Variants in MYRIP observed in about 807,000 individuals in gnomAD.
The protein encoded by MYRIP is rab effector MyRIP.
Under a neutral mutation model 98.0 loss-of-function variants are expected in MYRIP, and 49 were observed. The observed-to-expected ratio is 0.50, with a 90% CI of 0.40 to 0.63. The LOEUF (loss-of-function observed/expected upper bound fraction) is 0.63. MYRIP is among the 30% of genes least tolerant of loss of function. The probability of loss-of-function intolerance (pLI) is 0.00; values close to 1 mark genes in which losing one functional copy is unlikely to be tolerated. For missense variants in MYRIP, 1,004 were observed against 1,058.2 expected (o/e 0.95, Z 0.71); for synonymous variants, 404 against 409.5 (o/e 0.99, Z 0.16).
At chr3:40,012,650 G>A (rs535197024) in intron 2 of MYRIP, among the ~76,000 whole-genome samples, 8 of 152,222 alleles carry the variant, frequency 5.3e-5, no homozygotes, top group African/African-American at 1.9e-4. Context: ...ATCCACTGAG[G>A]GCCTGGATAG....
At chr3:40,220,325 A>G (rs1408206829) in intron 11 of MYRIP, among the ~76,000 whole-genome samples, 1 of 152,076 alleles carries the variant, frequency 6.6e-6, no homozygotes, top group East Asian at 1.9e-4. Flanking sequence ...GCTGTGCAGA[A>G]GCTGTTTAGT....
chr3:40,212,293 C>CTATA (rs200481232), intron 11 of MYRIP, among the ~76,000 whole-genome samples: 1 of 139,454 alleles, frequency 7.2e-6, no homozygotes, highest in African/African-American at 2.6e-5. Flanking sequence ...GCCATATAGA[C>CTATA]TATATATATA....
intron 3 of MYRIP, among the ~76,000 whole-genome samples, chr3:40,116,745 CA>C (rs1213344916): frequency 2.0e-5 from 3 of 152,214 alleles, no homozygotes; most frequent in Non-Finnish European, 4.4e-5. Flanking sequence ...GTGGATGCTG[CA>C]GGTTCTTAGC....
At chr3:40,111,767 G>A (rs1388822802) in intron 3 of MYRIP, among the ~76,000 whole-genome samples, 5 of 152,066 alleles carry the variant, frequency 3.3e-5, no homozygotes, top group Non-Finnish European at 7.4e-5. Flanking sequence ...AAAAAAAAAA[G>A]TTACCCAATT....
intron 2 of MYRIP, among the ~76,000 whole-genome samples, chr3:39,931,278 T>C (rs1944530589): frequency 6.6e-6 from 1 of 152,040 alleles, no homozygotes; most frequent in African/African-American, 2.4e-5. Flanking sequence ...CTCAGGTATT[T>C]TTTTTCTTTC....
chr3:40,098,920 C>CGTGT (rs372471843), intron 3 of MYRIP, among the ~76,000 whole-genome samples: 3 of 123,512 alleles, frequency 2.4e-5, no homozygotes, highest in South Asian at 2.7e-4. Context: ...CATGTGTGTG[C>CGTGT]GTGTGTGTGT....
At chr3:39,820,338 A>G (rs1941067167) in intron 1 of MYRIP, among the ~76,000 whole-genome samples, 2 of 151,976 alleles carry the variant, frequency 1.3e-5, no homozygotes, top group African/African-American at 4.8e-5. Context: ...TTCTGGTGAA[A>G]TCTTTGGGGA....
At chr3:40,167,828 A>C (rs1950529302) in intron 7 of MYRIP, among the ~76,000 whole-genome samples, 1 of 152,142 alleles carries the variant, frequency 6.6e-6, no homozygotes, top group African/African-American at 2.4e-5. Context: ...TTTAATATAA[A>C]GGGTACAGGT....
At chr3:40,218,655 T>TATATATATATATATAC (rs1952230423) in intron 11 of MYRIP, among the ~76,000 whole-genome samples, 4 of 131,378 alleles carry the variant, frequency 3.0e-5, no homozygotes, top group South Asian at 2.3e-4. Context: ...TATATATATA[T>TATATATATATATATAC]ACATACACAC....
chr3:40,212,623 T>C (rs1038304608), intron 11 of MYRIP, among the ~76,000 whole-genome samples: 1 of 152,024 alleles, frequency 6.6e-6, no homozygotes, highest in African/African-American at 2.4e-5. Context: ...TTAGCCAGGC[T>C]TGGTGGCGTG....
Position 40,203,687 on chromosome 3 carries a change from ATATT to A in MYRIP, c.1666-6163_1666-6160del, listed in dbSNP as rs1269485379. Among the ~76,000 whole-genome samples the A allele has an allele frequency of 2.4e-5, 3 of 126,228 alleles. No homozygotes were observed. The Admixed American group carries it at 2.8e-4, about 12-fold the overall frequency. 82.8% of individuals were successfully genotyped at this position (126,228 alleles called of 152,430 possible). ...TTTATATATTTTTATATTTTTATATATATTTATATTTTTATATTTTATATATTTT... is the reference window on the plus strand; with the variant it reads ...TTTATATATTTTTATATTTTTATATATATATTTTTATATTTTATATATTTT... On this transcript the variant is annotated intron_variant, in intron 10 of 16. Coordinates refer to ENST00000302541, the MANE Select transcript of MYRIP (RefSeq NM_015460.4).
intron 10 of MYRIP, among the ~76,000 whole-genome samples, chr3:40,207,438 A>AT (rs1951816629): frequency 6.6e-6 from 1 of 151,874 alleles, no homozygotes. Context: ...CTCATCACTG[A>AT]TTTTCACTCA....
intron 12 of MYRIP, among the ~76,000 whole-genome samples, chr3:40,241,417 G>A (rs1953011070): frequency 6.6e-6 from 1 of 152,186 alleles, no homozygotes; most frequent in Admixed American, 6.5e-5. Flanking sequence ...TTACTCAGGT[G>A]GTTCTGTGCC....
chr3:40,154,449 G>A (rs1026803479), intron 4 of MYRIP, among the ~76,000 whole-genome samples: 2 of 152,198 alleles, frequency 1.3e-5, no homozygotes, highest in Non-Finnish European at 2.9e-5. Flanking sequence ...AACTCTAGTG[G>A]AGAAGTCAGA....
intron 3 of MYRIP, among the ~76,000 whole-genome samples, chr3:40,066,055 C>T (rs1948120508): frequency 1.3e-5 from 2 of 152,136 alleles, no homozygotes. Flanking sequence ...AAGAAGGACC[C>T]CACACCTTCT....
In MYRIP at chr3:40,229,059, T is replaced by A. The variant is rs147324008; in HGVS notation, c.1906-4800T>A. Among the ~76,000 whole-genome samples the A allele has an allele frequency of 3.2e-3, 488 of 152,274 alleles. 8 individuals are homozygous for A. The highest frequency in any genetic ancestry group is 0.011 in the Admixed American group (164 of 15,294). On this transcript the variant is annotated intron_variant, in intron 11 of 16. Coordinates refer to ENST00000302541, the MANE Select transcript of MYRIP (RefSeq NM_015460.4). ...AAAGCTTAGAAATGAATGATGACAC[T>A]GGGAAAATCTCAGGAGAATTTACAA...
intron 5 of MYRIP, among the ~76,000 whole-genome samples, chr3:40,165,303 G>A (rs952795330): frequency 2.0e-5 from 3 of 152,196 alleles, no homozygotes; most frequent in Non-Finnish European, 2.9e-5. Context: ...GACCTTAAGT[G>A]GATTGTTTAG....
chr3:39,861,910 A>G (rs1942483863), intron 1 of MYRIP, among the ~76,000 whole-genome samples: 1 of 152,232 alleles, frequency 6.6e-6, no homozygotes, highest in South Asian at 2.1e-4. Context: ...CAACTTGGAA[A>G]ACATATTTCA....
chr3:39,895,780 A>G (rs1463428338), intron 1 of MYRIP, among the ~76,000 whole-genome samples: 3 of 152,168 alleles, frequency 2.0e-5, no homozygotes, highest in Non-Finnish European at 4.4e-5. Context: ...GACAGTTTTG[A>G]AAAATAAAAA....
Sources: gnomAD v4.1 joint callset for allele counts (sites outside exome capture counted in the v4.1 genomes callset) on GRCh38, gnomAD v4.1.1 for gene constraint, MANE v1.5 for transcripts, NCBI Gene and HGNC (gene_info 2026-07-23, HGNC 2026-07-21) for gene names.